TIGAR: variants seen among roughly 807,000 people sequenced by gnomAD.
TIGAR encodes TP53 induced glycolysis regulatory phosphatase, also known as fructose-2,6-bisphosphatase TIGAR.
A neutral mutation model predicts 17.9 loss-of-function variants in TIGAR; 7 were observed. The observed-to-expected ratio is 0.39, with a 90% CI of 0.22 to 0.73. TIGAR has a LOEUF of 0.73. Ranked by LOEUF, TIGAR falls within the 30% of genes least tolerant of loss-of-function variation. TIGAR has a pLI of 0.42. For missense variants in TIGAR, 258 were observed against 327.4 expected (o/e 0.79, Z 1.64); for synonymous variants, 94 against 108.6 (o/e 0.87, Z 0.84).
chr12:4,341,011 C>G (rs1416801172), intron 3 of TIGAR, among the ~76,000 whole-genome samples: 1 of 152,190 alleles, frequency 6.6e-6, no homozygotes, highest in Non-Finnish European at 1.5e-5. Flanking sequence ...CCTGCAAGCA[C>G]AGGCAACCAA....
At chr12:4,329,942 G>C (rs1864586948) in intron 1 of TIGAR, among the ~76,000 whole-genome samples, 1 of 152,154 alleles carries the variant, frequency 6.6e-6, no homozygotes, top group Non-Finnish European at 1.5e-5. Flanking sequence ...AGTATAGAGT[G>C]TGGGTATTAA....
chr12:4,348,188 T>C (rs1463823003), intron 3 of TIGAR, among the ~76,000 whole-genome samples: 1 of 151,970 alleles, frequency 6.6e-6, no homozygotes, highest in Non-Finnish European at 1.5e-5. Context: ...TTAGAAGACA[T>C]GAAGAGCATG....
intron 3 of TIGAR, among the ~76,000 whole-genome samples, chr12:4,346,506 C>CA (rs903960246): frequency 6.6e-5 from 10 of 151,300 alleles, no homozygotes; most frequent in African/African-American, 1.5e-4. Context: ...ATGGCAAGGA[C>CA]AAAAAACCAA....
intron 3 of TIGAR, among the ~76,000 whole-genome samples, chr12:4,339,765 A>G (rs764295836): frequency 2.6e-5 from 4 of 152,272 alleles, no homozygotes; most frequent in Non-Finnish European, 4.4e-5. Flanking sequence ...TCAATGTGAT[A>G]CATTATATCA....
chr12:4,351,344 G>C lies in TIGAR; in HGVS notation c.348G>C (p.Val116=). 2 of 1,614,200 alleles carry C rather than the reference G, an allele frequency of 1.2e-6. No individual in the cohort carries two copies. The highest frequency in any genetic ancestry group is 1.7e-6 in the Non-Finnish European group (2 of 1,180,042). The change falls in exon 5 of 6, where the codon GTG becomes GTC. Residue 116 remains valine, a synonymous_variant. Coordinates refer to ENST00000179259, the MANE Select transcript of TIGAR (RefSeq NM_020375.3). ...AAGCAGCCAGGGAAGAGTGCCCTGT[G>C]TTTACACCGCCCGGAGGAGAGACGC... ...MAKAAREECP[V]FTPPGGETLD...
chr12:4,337,287 C>T (rs1246244591), intron 3 of TIGAR, 127 bp downstream of exon 3: 3 of 492,730 alleles, frequency 6.1e-6, no homozygotes, highest in African/African-American at 3.9e-5. Flanking sequence ...ATGCCTCAGC[C>T]TCCCAATAGC....
rs1203977217 is a variant in TIGAR at position 4,353,572 on chromosome 12, C to G, written c.*881C>G. On this transcript the variant is annotated 3_prime_UTR_variant, in exon 6 of 6. Coordinates refer to ENST00000179259, the MANE Select transcript of TIGAR (RefSeq NM_020375.3). ...GTGCTCTGGGCCGGGCCCAGTGGCT[C>G]ACACCTGTAATCCCAGCACTTTGGG... 1 of 152,430 alleles carries G rather than the reference C, an allele frequency of 6.6e-6. No homozygotes were observed. Among genetic ancestry groups the G allele is most frequent in the African/African-American group, 2.4e-5 (1 of 41,452 alleles). The allele number at this position is 152,430 out of a possible 1,614,324, so 9.4% of individuals were successfully genotyped here.
chr12:4,345,077 C>A (rs4328272), intron 3 of TIGAR, among the ~76,000 whole-genome samples: 150,318 of 152,278 alleles, frequency 0.99, 74,231 homozygotes, highest in East Asian at 1. Flanking sequence ...CTTCAAGGAG[C>A]ACTATAAACC....
chr12:4,357,935 C>A lies in TIGAR; in HGVS notation c.*5244C>A, dbSNP rs1864925297. On this transcript the variant is annotated 3_prime_UTR_variant, in exon 6 of 6. Coordinates refer to ENST00000179259, the MANE Select transcript of TIGAR (RefSeq NM_020375.3). ...TGGCTAACACAGTGAAACCTCGTCT[C>A]CACTGAAAAATAGAAAAAATTAGCC... Among the ~76,000 whole-genome samples the A allele has an allele frequency of 2.6e-5, 4 of 151,498 alleles. No individual in the cohort carries two copies. The highest frequency in any genetic ancestry group is 9.7e-5 in the African/African-American group (4 of 41,184).
In TIGAR at chr12:4,358,148, T is replaced by C. The variant is rs867538620; in HGVS notation, c.*5457T>C. Among the ~76,000 whole-genome samples, 1 of 150,328 alleles carries C rather than the reference T, an allele frequency of 6.7e-6. No individual in the cohort carries two copies. The highest frequency in any genetic ancestry group is 2.4e-5 in the African/African-American group (1 of 40,862). ...CATTTGATAAATAATGGGCTGTGCA[T>C]GGTGACTCAGGCCTGTAATCCCAGC... On this transcript the variant is annotated 3_prime_UTR_variant, in exon 6 of 6. Coordinates refer to ENST00000179259, the MANE Select transcript of TIGAR (RefSeq NM_020375.3).
At chr12:4,351,980 C>T (rs973720205) in intron 5 of TIGAR, among the ~76,000 whole-genome samples, 1 of 152,142 alleles carries the variant, frequency 6.6e-6, no homozygotes, top group African/African-American at 2.4e-5. Flanking sequence ...TGTAGATTTC[C>T]CTAACTAGAC....
chr12:4,326,787 T>C (rs897223218), intron 1 of TIGAR, among the ~76,000 whole-genome samples: 2 of 152,216 alleles, frequency 1.3e-5, no homozygotes, highest in African/African-American at 4.8e-5. Context: ...ATAAAAATGC[T>C]GAGTTACTCT....
chr12:4,331,601 G>A (rs956938492), intron 2 of TIGAR, among the ~76,000 whole-genome samples: 8 of 152,126 alleles, frequency 5.3e-5, no homozygotes, highest in African/African-American at 1.9e-4. Context: ...GGGTCTGGGT[G>A]TCTTAAAATA....
At chr12:4,327,704 CTTGTT>C (rs113783586) in intron 1 of TIGAR, among the ~76,000 whole-genome samples, 7 of 152,236 alleles carry the variant, frequency 4.6e-5, no homozygotes, top group African/African-American at 1.7e-4. Context: ...GAGGATGTTA[CTTGTT>C]TTGTTTTGTT....
At chr12:4,330,964 T>C (rs949586250) in intron 1 of TIGAR, among the ~76,000 whole-genome samples, 1 of 152,226 alleles carries the variant, frequency 6.6e-6, no homozygotes, top group African/African-American at 2.4e-5. Flanking sequence ...TATATTTCTT[T>C]TAACAAAATT....
chr12:4,351,250 C>G lies in TIGAR; in HGVS notation c.271-17C>G. 3 of 1,605,964 alleles carry G rather than the reference C, an allele frequency of 1.9e-6. No homozygotes were observed. Among genetic ancestry groups the G allele is most frequent in the Non-Finnish European group, 2.6e-6 (3 of 1,172,984 alleles). On this transcript the variant is annotated splice_polypyrimidine_tract_variant and intron_variant, in intron 4 of 5. Transcript: ENST00000179259. ...GCAATTTCATTTGAGAAACTGTTAT[C>G]TATTGGACTGTTTCAGAAATACGGG...
At chr12:4,328,653 T>C (rs1185332113) in intron 1 of TIGAR, among the ~76,000 whole-genome samples, 1 of 151,570 alleles carries the variant, frequency 6.6e-6, no homozygotes, top group Non-Finnish European at 1.5e-5. Context: ...CTTGGCTCAC[T>C]GCAACCTCCA....
chr12:4,339,962 TACTG>T (rs1864701819), intron 3 of TIGAR, among the ~76,000 whole-genome samples: 1 of 152,340 alleles, frequency 6.6e-6, no homozygotes, highest in African/African-American at 2.4e-5. Context: ...GCTTATGTCA[TACTG>T]AGTGAGGAGA....
rs557821962 is a variant in TIGAR, at chr12:4,321,931, T to A, written c.32+628T>A. Among the ~76,000 whole-genome samples, 1 of 152,344 alleles carries A rather than the reference T, an allele frequency of 6.6e-6. No individual in the cohort carries two copies. The highest frequency in any genetic ancestry group is 1.9e-4 in the East Asian group (1 of 5,188). Reference sequence around the variant, plus strand: ...ACGGAGCTGCATGCTGATAGGTCTTTATGTATTTGCCAAGTGTTAACGGGA... The same window carrying A: ...ACGGAGCTGCATGCTGATAGGTCTTAATGTATTTGCCAAGTGTTAACGGGA... On this transcript the variant is annotated intron_variant, in intron 1 of 5. Transcript: ENST00000179259. The surrounding 1 kb of genome is among the most constrained non-coding windows in gnomAD (Gnocchi z 5.2).
Sources: gnomAD v4.1 joint callset for allele counts (sites outside exome capture counted in the v4.1 genomes callset) on GRCh38, gnomAD v4.1.1 for gene constraint, Gnocchi (gnomAD v3.1) non-coding constraint, MANE v1.5 for transcripts, NCBI Gene and HGNC (gene_info 2026-07-23, HGNC 2026-07-21) for gene names.